Variants in GPR158 observed in about 807,000 individuals in gnomAD.
GPR158 encodes G protein-coupled receptor 158.
GPR158 carries 30 observed loss-of-function variants against 78.2 expected under a neutral mutation model. That is an observed-to-expected ratio of 0.38 (90% CI 0.29 to 0.52). GPR158 has a LOEUF of 0.52. Ranked by LOEUF, GPR158 falls within the 20% of genes least tolerant of loss-of-function variation. The pLI, the probability that GPR158 is intolerant of heterozygous loss-of-function variation, is 0.83. For synonymous variants in GPR158, 581 were observed against 591.1 expected (o/e 0.98, Z 0.25); for missense variants, 1,463 against 1,523.5 (o/e 0.96, Z 0.66).
chr10:25,355,869 A>G (rs959261496), intron 2 of GPR158, among the ~76,000 whole-genome samples: 2 of 152,012 alleles, frequency 1.3e-5, no homozygotes, highest in African/African-American at 2.4e-5. Context: ...CAAACCTCCA[A>G]TAGTGTGGAA....
chr10:25,586,052 T>TTA (rs994066649), intron 7 of GPR158, among the ~76,000 whole-genome samples: 54 of 152,230 alleles, frequency 3.5e-4, no homozygotes, highest in African/African-American at 1.2e-3. Context: ...CTCAAAGAGT[T>TTA]TATGCTGGGG....
At chr10:25,219,582 C>T (rs1453180337) in intron 1 of GPR158, among the ~76,000 whole-genome samples, 1 of 152,170 alleles carries the variant, frequency 6.6e-6, no homozygotes, top group Non-Finnish European at 1.5e-5. Flanking sequence ...TCTGGATAAA[C>T]CAAACACTGG....
At chr10:25,424,017 A>C (rs1834787544) in intron 4 of GPR158, among the ~76,000 whole-genome samples, 1 of 152,124 alleles carries the variant, frequency 6.6e-6, no homozygotes, top group Admixed American at 6.5e-5. Context: ...AAGCGTTCCT[A>C]TTTCTCCACA....
chr10:25,452,283 T>C (rs1469131028), intron 4 of GPR158, among the ~76,000 whole-genome samples: 1 of 152,104 alleles, frequency 6.6e-6, no homozygotes, highest in African/African-American at 2.4e-5. Flanking sequence ...TGGGCTTAAA[T>C]AATCCTCTCG....
chr10:25,563,902 CTT>C (rs1444706030), intron 6 of GPR158, among the ~76,000 whole-genome samples: 3 of 151,774 alleles, frequency 2.0e-5, no homozygotes, highest in Non-Finnish European at 2.9e-5. Flanking sequence ...CTATTAGTGT[CTT>C]TTCTTTTTTC....
At chr10:25,304,730 C>G (rs1854645106) in intron 2 of GPR158, among the ~76,000 whole-genome samples, 1 of 152,130 alleles carries the variant, frequency 6.6e-6, no homozygotes, top group Non-Finnish European at 1.5e-5. Flanking sequence ...CAAAGTCATA[C>G]TGGCTAGTAG....
At chr10:25,514,908 T>C (rs893895756) in intron 5 of GPR158, among the ~76,000 whole-genome samples, 2 of 152,184 alleles carry the variant, frequency 1.3e-5, no homozygotes, top group African/African-American at 2.4e-5. Context: ...GATTTTCCTT[T>C]ATAGGTTACC....
chr10:25,369,528 A>G (rs1378830938), intron 2 of GPR158, among the ~76,000 whole-genome samples: 1 of 148,344 alleles, frequency 6.7e-6, no homozygotes, highest in Non-Finnish European at 1.5e-5. Flanking sequence ...CCACTTGATC[A>G]TGGTGGATAA....
intron 1 of GPR158, among the ~76,000 whole-genome samples, chr10:25,198,809 C>T (rs530065980): frequency 3.3e-5 from 5 of 151,992 alleles, no homozygotes; most frequent in South Asian, 4.2e-4. Flanking sequence ...GTTTGGTTGT[C>T]GGATGGTCTA....
At chr10:25,245,934 C>T (rs1453219024) in intron 2 of GPR158, among the ~76,000 whole-genome samples, 1 of 152,112 alleles carries the variant, frequency 6.6e-6, no homozygotes, top group Non-Finnish European at 1.5e-5. Flanking sequence ...AAAGATACTC[C>T]AAAACTAATT....
At chr10:25,528,769 T>C (rs546627604) in intron 5 of GPR158, among the ~76,000 whole-genome samples, 2 of 152,298 alleles carry the variant, frequency 1.3e-5, no homozygotes, top group African/African-American at 4.8e-5. Flanking sequence ...ACAAGTTTAG[T>C]CTAAAATTTA....
At chr10:25,237,782 C>T (rs1853543596) in intron 2 of GPR158, among the ~76,000 whole-genome samples, 1 of 152,192 alleles carries the variant, frequency 6.6e-6, no homozygotes, top group Non-Finnish European at 1.5e-5. Flanking sequence ...ACAACCAAAC[C>T]ACTAAATTAA....
Position 25,444,399 on chromosome 10 carries a change from G to A in GPR158, c.1336-22252G>A, listed in dbSNP as rs150128878. ...TGTGGTAGGTGTGTATGGGGGTGTCGTGTATGTGGGTGAGTGTGAGTGTAT... is the reference window on the plus strand; with the variant it reads ...TGTGGTAGGTGTGTATGGGGGTGTCATGTATGTGGGTGAGTGTGAGTGTAT... On this transcript the variant is annotated intron_variant, in intron 4 of 10. Coordinates refer to ENST00000376351, the MANE Select transcript of GPR158 (RefSeq NM_020752.3). Among the ~76,000 whole-genome samples, 804 of 151,464 alleles carry A rather than the reference G, an allele frequency of 5.3e-3. 11 individuals are homozygous for A. Among genetic ancestry groups the A allele is most frequent in the African/African-American group, 0.019 (771 of 41,274 alleles).
chr10:25,307,843 G>GA (rs1344060193), intron 2 of GPR158, among the ~76,000 whole-genome samples: 8 of 151,876 alleles, frequency 5.3e-5, no homozygotes, highest in South Asian at 4.2e-4. Context: ...ATAGTTTCTT[G>GA]CATTGTTCTA....
At chr10:25,225,183 C>CTTTT (rs60603738) in intron 2 of GPR158, among the ~76,000 whole-genome samples, 2,251 of 134,722 alleles carry the variant, frequency 0.017, 88 homozygotes, top group African/African-American at 0.055. Flanking sequence ...GAACATTTGC[C>CTTTT]TTTTTTTTTT....
At chr10:25,442,339 G>A (rs1040073219) in intron 4 of GPR158, among the ~76,000 whole-genome samples, 1 of 152,126 alleles carries the variant, frequency 6.6e-6, no homozygotes, top group African/African-American at 2.4e-5. Flanking sequence ...TCACCAGTGA[G>A]ATAAATATGG....
chr10:25,379,014 G>A (rs574273602), intron 2 of GPR158, among the ~76,000 whole-genome samples: 2 of 152,084 alleles, frequency 1.3e-5, no homozygotes, highest in African/African-American at 4.8e-5. Context: ...TGGTCTCAAA[G>A]TCCAGAGCTC....
intron 2 of GPR158, among the ~76,000 whole-genome samples, chr10:25,325,871 C>T (rs1370703909): frequency 6.7e-6 from 1 of 149,678 alleles, no homozygotes. Flanking sequence ...TGATGTTGAA[C>T]ATTTTTTTAA....
rs114145119 is a variant in GPR158 at position 25,466,476 on chromosome 10, G to T, written c.1336-175G>T. Reference sequence around the variant, plus strand: ...AAGCCTATCAACACCTTTATAATCAGTCTTTTTGCATGTTCTAGTTTTTTA... The same window carrying T: ...AAGCCTATCAACACCTTTATAATCATTCTTTTTGCATGTTCTAGTTTTTTA... On this transcript the variant is annotated intron_variant, in intron 4 of 10. Coordinates refer to ENST00000376351, the MANE Select transcript of GPR158 (RefSeq NM_020752.3). The T allele has an allele frequency of 4.5e-3, 2,320 of 518,982 alleles. 26 individuals carry two copies. The Middle Eastern group carries it at 0.046, about 10-fold the overall frequency. 32.1% of individuals were successfully genotyped at this position (518,982 alleles called of 1,614,324 possible).
Sources: gnomAD v4.1 joint callset for allele counts (sites outside exome capture counted in the v4.1 genomes callset) on GRCh38, gnomAD v4.1.1 for gene constraint, MANE v1.5 for transcripts, NCBI Gene and HGNC (gene_info 2026-07-23, HGNC 2026-07-21) for gene names.